The following ARL10 variants were observed in gnomAD, a reference collection of about 807,000 sequenced individuals.
ARL10 encodes the protein ARF like GTPase 10.
In ARL10, 23 loss-of-function variants were observed where a neutral mutation model predicts 26.1. That is an observed-to-expected ratio of 0.88 (90% CI 0.63 to 1.25). The LOEUF is 1.25. Among genes scored for constraint, ARL10 ranks in the 50% most tolerant of loss-of-function variants. The pLI, the probability that ARL10 is intolerant of heterozygous loss-of-function variation, is 0.00. For synonymous variants in ARL10, 138 were observed against 149.1 expected (o/e 0.93, Z 0.54); for missense variants, 300 against 323.6 (o/e 0.93, Z 0.56).
At chr5:176,399,991 A>C (rs904376972) in intron 1 of ARL10, among the ~76,000 whole-genome samples, 1 of 152,252 alleles carries the variant, frequency 6.6e-6, no homozygotes, top group East Asian at 1.9e-4. Context: ...CAGGAGTTCG[A>C]GACCAGCCTG....
Position 176,366,590 on chromosome 5 carries a change from A to T in ARL10, c.385+9A>T. ...GGTGGACCTGCTAGAAAGTGAGCGG[A>T]CACCCTACCCCATCTCCCCGTCTCC... On this transcript the variant is annotated intron_variant, in intron 2 of 3. Coordinates refer to ENST00000310389, the MANE Select transcript of ARL10 (RefSeq NM_173664.6). 6.2e-7 allele frequency: 1 copy of T among 1,613,470 alleles called. No homozygotes were observed. The highest frequency in any genetic ancestry group is 8.5e-7 in the Non-Finnish European group (1 of 1,179,830).
Position 176,368,911 on chromosome 5 carries a change from GC to G in ARL10, c.493del (p.Arg165AspfsTer25). ...DSADRLRLPWARQELHKLLDK... is the reference protein window; with the variant it reads ...DSADRLRLPWXRQELHKLLDK... ...GGCTGACCGACTGCGGCTGCCCTGG[GC>G]CCGACAGGAGCTGCACAAGCTGCTG... On this transcript the variant is annotated frameshift_variant, in exon 3 of 4. Coordinates refer to ENST00000310389, the MANE Select transcript of ARL10 (RefSeq NM_173664.6). LOFTEE classifies it high-confidence loss of function. The surrounding 1 kb of genome is among the most constrained non-coding windows in gnomAD (Gnocchi z 4.1). 6.2e-7 allele frequency: 1 copy of G among 1,614,124 alleles called. No homozygotes were observed. The highest frequency in any genetic ancestry group is 8.5e-7 in the Non-Finnish European group (1 of 1,180,036).
chr5:176,394,926 GTATTCCA>G (rs1756447045), intron 1 of ARL10, among the ~76,000 whole-genome samples: 2 of 152,108 alleles, frequency 1.3e-5, no homozygotes, highest in Non-Finnish European at 2.9e-5. Context: ...GCCCCCTGTG[GTATTCCA>G]CAGCACCCAT....
intron 1 of ARL10, chr5:176,401,693 AC>A: frequency 2.2e-6 from 1 of 456,156 alleles, no homozygotes; most frequent in Non-Finnish European, 4.4e-6. Flanking sequence ...CTTGTGTTGC[AC>A]AGCATTTTCA....
Position 176,371,919 on chromosome 5 carries a change from C to T in ARL10, c.*24C>T. The T allele has an allele frequency of 6.2e-7, 1 of 1,610,352 alleles. No individual in the cohort carries two copies. Among genetic ancestry groups the T allele is most frequent in the Non-Finnish European group, 8.5e-7 (1 of 1,177,948 alleles). On this transcript the variant is annotated 3_prime_UTR_variant, in exon 4 of 4. Transcript: ENST00000310389. ...AGGCTGGAGCTCTCCTGCTTGCCAC[C>T]TGCCTGTCAAGACCATAGTTGTACT...
At chr5:176,406,411 C>T (rs553184538), downstream of ARL10, 9 of 1,162,852 alleles carry the variant, frequency 7.7e-6, no homozygotes, top group South Asian at 3.3e-5. Context: ...ACCAGCCAAG[C>T]GTGTGCTGCG....
intron 3 of ARL10, among the ~76,000 whole-genome samples, chr5:176,371,374 C>T (rs1253055129): frequency 6.6e-6 from 1 of 152,174 alleles, no homozygotes; most frequent in Non-Finnish European, 1.5e-5. Context: ...CAGAGCAAAA[C>T]TCCGTCTCAA....
downstream of ARL10, among the ~76,000 whole-genome samples, chr5:176,391,657 C>A (rs1756266272): frequency 6.6e-6 from 1 of 152,142 alleles, no homozygotes; most frequent in African/African-American, 2.4e-5. Context: ...GACAGACATA[C>A]CTAGAAGGCA....
downstream of ARL10, chr5:176,406,063 G>T: frequency 1.3e-6 from 1 of 744,124 alleles, no homozygotes; most frequent in Non-Finnish European, 1.6e-6. Context: ...CATTATTTCC[G>T]GGCTGCTCAG....
At chr5:176,394,064 AAAATGAGGATC>A (rs1205904840) in intron 1 of ARL10, among the ~76,000 whole-genome samples, 2 of 152,220 alleles carry the variant, frequency 1.3e-5, no homozygotes, top group Non-Finnish European at 2.9e-5. Flanking sequence ...CCTAGCCTGT[AAAATGAGGATC>A]ATAGCTCTGC....
chr5:176,400,280 T>C (rs1756754765), intron 1 of ARL10, among the ~76,000 whole-genome samples: 1 of 152,230 alleles, frequency 6.6e-6, no homozygotes, highest in African/African-American at 2.4e-5. Context: ...TTTAATACTA[T>C]AATATTTGTG....
At chr5:176,384,085 T>A, downstream of ARL10, 1 of 1,597,028 alleles carries the variant, frequency 6.3e-7, no homozygotes, top group Non-Finnish European at 8.5e-7. Context: ...GAGCGGGGAG[T>A]GTGCACGTGT....
rs2113567809 is a variant in ARL10 at position 176,381,245 on chromosome 5, C to G, written c.*9350C>G. On this transcript the variant is annotated 3_prime_UTR_variant, in exon 4 of 4. Coordinates refer to ENST00000310389, the MANE Select transcript of ARL10 (RefSeq NM_173664.6). ...ATTGCTCAGATAAACTTGGAGAGCT[C>G]AAAACACAAATTTATGGAGCTCAGA... The G allele has an allele frequency of 6.6e-6, 1 of 152,242 alleles. No homozygotes were observed. The highest frequency in any genetic ancestry group is 1.9e-4 in the East Asian group (1 of 5,184). 9.4% of individuals were successfully genotyped at this position (152,242 alleles called of 1,614,324 possible). A position where few individuals can be genotyped will look rare whatever the true frequency, so the allele number is the denominator to read the frequency against.
chr5:176,407,396 T>C, the ARL10 span, among the ~76,000 whole-genome samples: 1 of 152,188 alleles, frequency 6.6e-6, no homozygotes, highest in South Asian at 2.1e-4. Context: ...CCTCTGCCTC[T>C]GGGTTCAAGC....
At chr5:176,371,550 GGGATA>G (rs1768543774) in intron 3 of ARL10, among the ~76,000 whole-genome samples, 167 bp from the exon 4 acceptor site, 1 of 148,734 alleles carries the variant, frequency 6.7e-6, no homozygotes, top group Non-Finnish European at 1.5e-5. Flanking sequence ...GATATTCCCG[GGGATA>G]GCCTAAGAAC....
intron 1 of ARL10, among the ~76,000 whole-genome samples, chr5:176,387,618 G>C (rs1755982268): frequency 6.6e-6 from 1 of 152,210 alleles, no homozygotes; most frequent in Admixed American, 6.5e-5. Flanking sequence ...GGCAGAGAAA[G>C]ATGAATTGCT....
At chr5:176,407,053 C>T in the ARL10 span, among the ~76,000 whole-genome samples, 1 of 152,192 alleles carries the variant, frequency 6.6e-6, no homozygotes, top group Non-Finnish European at 1.5e-5. Context: ...AATAAACACA[C>T]CTGCTGTGAT....
intron 1 of ARL10, chr5:176,388,232 T>C (rs1312217081): frequency 1.9e-6 from 3 of 1,605,260 alleles, no homozygotes; most frequent in Non-Finnish European, 2.6e-6. Flanking sequence ...GCCATGTCAG[T>C]ACCTTTCTCT....
In ARL10 at chr5:176,376,653, A is replaced by G. The variant is rs949169424; in HGVS notation, c.*4758A>G. 6.6e-6 allele frequency: 1 copy of G among 152,232 alleles called. No homozygotes were observed. Among genetic ancestry groups the G allele is most frequent in the East Asian group, 1.9e-4 (1 of 5,194 alleles). The allele number at this position is 152,232 out of a possible 1,614,324, so 9.4% of individuals were successfully genotyped here. On this transcript the variant is annotated 3_prime_UTR_variant, in exon 4 of 4. Coordinates refer to ENST00000310389, the MANE Select transcript of ARL10 (RefSeq NM_173664.6). ...TTTTTGCGATTGCAGTGAAGTCTTC[A>G]TCCACATCTAGGGAAAGCTGTTCAT...
Sources: gnomAD v4.1 joint callset for allele counts (sites outside exome capture counted in the v4.1 genomes callset) on GRCh38, gnomAD v4.1.1 for gene constraint, Gnocchi (gnomAD v3.1) non-coding constraint, MANE v1.5 for transcripts, NCBI Gene and HGNC (gene_info 2026-07-23, HGNC 2026-07-21) for gene names.